C2CD2: variants seen among roughly 807,000 people sequenced by gnomAD.
The protein encoded by C2CD2 is C2 calcium dependent domain containing 2.
Under a neutral mutation model 74.3 loss-of-function variants are expected in C2CD2, and 43 were observed. The observed-to-expected ratio is 0.58, with a 90% CI of 0.45 to 0.75. The LOEUF is 0.75. Ranked by LOEUF, C2CD2 falls within the 30% of genes least tolerant of loss-of-function variation. C2CD2 has a pLI of 0.00. For synonymous variants in C2CD2, 422 were observed against 390.7 expected (o/e 1.08, Z -0.94); for missense variants, 801 against 916.3 (o/e 0.87, Z 1.63).
At chr21:41,914,933 T>C (rs534318190) in intron 5 of C2CD2, among the ~76,000 whole-genome samples, 1 of 152,158 alleles carries the variant, frequency 6.6e-6, no homozygotes, top group Non-Finnish European at 1.5e-5. Flanking sequence ...TCCTCCTGCC[T>C]GGGAGCATTT....
chr21:41,918,305 T>G (rs185558286), intron 4 of C2CD2, 78 bp from the exon 5 acceptor site: 5 of 1,451,656 alleles, frequency 3.4e-6, no homozygotes, highest in Admixed American at 2.0e-5. Flanking sequence ...TTCAGGTGAC[T>G]AAAACCATGC....
chr21:41,889,291 T>C lies in C2CD2; in HGVS notation c.1924A>G (p.Lys642Glu), dbSNP rs755509490. 1.9e-6 allele frequency: 3 copies of C among 1,614,010 alleles called. No homozygotes were observed. Among genetic ancestry groups the C allele is most frequent in the Non-Finnish European group, 2.5e-6 (3 of 1,180,026 alleles). Residue 642 changes from lysine to glutamate, a missense_variant, in exon 14 of 14, where the codon AAA becomes GAA. Transcript: ENST00000380486. ...KLFFRRRHQQ[K>E]DPGMSQSHND... is the part of the protein sequence containing the mutation. ...TGTGACTGACTCATGCCTGGGTCTT[T>C]CTGTTGATGCCGCCGGCGGAAGAAC...
intron 13 of C2CD2, chr21:41,894,495 G>A (rs170135): frequency 0.2 from 76,178 of 386,426 alleles, 8,317 homozygotes; most frequent in African/African-American, 0.33. Flanking sequence ...GCTAAGGACA[G>A]CGTCTGAGAA....
chr21:41,948,969 G>T (rs1036591478), intron 1 of C2CD2, among the ~76,000 whole-genome samples: 1 of 137,292 alleles, frequency 7.3e-6, no homozygotes, highest in Non-Finnish European at 1.5e-5. Context: ...GAAACCCTGG[G>T]CTGAAGGACT....
At chr21:41,918,447 TG>T (rs2065117733) in intron 4 of C2CD2, among the ~76,000 whole-genome samples, 1 of 152,126 alleles carries the variant, frequency 6.6e-6, no homozygotes, top group Non-Finnish European at 1.5e-5. Context: ...ACCCTCACCG[TG>T]GGAGAGAGGG....
chr21:41,940,052 C>T (rs2065342113), intron 2 of C2CD2, among the ~76,000 whole-genome samples: 2 of 152,160 alleles, frequency 1.3e-5, no homozygotes, highest in Admixed American at 6.5e-5. Flanking sequence ...AGGAAATGCT[C>T]ACTGGAGTAT....
intron 6 of C2CD2, 33 bp downstream of exon 6, chr21:41,914,565 C>G: frequency 6.2e-7 from 1 of 1,606,422 alleles, no homozygotes; most frequent in South Asian, 1.1e-5. Context: ...TGGAAGAGCC[C>G]CTCCAGGCAG....
rs1353216648 is a variant in C2CD2 at position 41,903,916 on chromosome 21, G to A, written c.1432+1808C>T. Among the ~76,000 whole-genome samples the A allele has an allele frequency of 1.3e-5, 2 of 152,190 alleles. No homozygotes were observed. Among genetic ancestry groups the A allele is most frequent in the East Asian group, 3.8e-4 (2 of 5,198 alleles). On this transcript the variant is annotated intron_variant, in intron 11 of 13. Transcript: ENST00000380486. The surrounding 1 kb of genome is among the most constrained non-coding windows in gnomAD (Gnocchi z 4.5). ...GCCAGGGGAAGAAACTGAGGAAGGG[G>A]CATCAGGGGCAGCGGCAAAAGCATC...
Position 41,892,573 on chromosome 21 carries a change from C to A in C2CD2, c.1871-3229G>T, listed in dbSNP as rs1196874023. Among the ~76,000 whole-genome samples, 1 of 152,216 alleles carries A rather than the reference C, an allele frequency of 6.6e-6. No homozygotes were observed. The highest frequency in any genetic ancestry group is 1.5e-5 in the Non-Finnish European group (1 of 68,034). The stretch of plus-strand genomic sequence containing the variant: ...AGCAGCATCCTCAGCCCCGAGCCCT[C>A]CAAACAACAGGCCTCTAAGGACAAC... On this transcript the variant is annotated intron_variant, in intron 13 of 13. Transcript: ENST00000380486. The surrounding 1 kb of genome is among the most constrained non-coding windows in gnomAD (Gnocchi z 4.6).
chr21:41,936,829 T>G (rs960766035), intron 2 of C2CD2, among the ~76,000 whole-genome samples: 2 of 147,306 alleles, frequency 1.4e-5, no homozygotes, highest in Non-Finnish European at 3.0e-5. Flanking sequence ...TTTTTTTTTT[T>G]TTTTTTTTGA....
chr21:41,953,469 G>A lies in C2CD2; in HGVS notation c.180C>T (p.Ser60=). The A allele has an allele frequency of 2.7e-6, 4 of 1,485,406 alleles. No homozygotes were observed. The highest frequency in any genetic ancestry group is 1.5e-5 in the African/African-American group (1 of 68,630). 92.0% of individuals were successfully genotyped at this position (1,485,406 alleles called of 1,614,324 possible). ...TCAGGATCCAGGAGAGCAGCGCGTC[G>A]GACCCCGGGCGCGGCCCCTCTCCAG... The part of the protein sequence containing the change: ...VEPGEGPRPG[S]DALLSWILTL... The change falls in exon 1 of 14, where the codon TCC becomes TCT. Residue 60 remains serine (S), a synonymous_variant. Coordinates refer to ENST00000380486, the MANE Select transcript of C2CD2 (RefSeq NM_015500.2).
chr21:41,952,782 C>T (rs918692799), intron 1 of C2CD2, among the ~76,000 whole-genome samples: 3 of 152,344 alleles, frequency 2.0e-5, no homozygotes, highest in Non-Finnish European at 2.9e-5. Context: ...TTGGTTTCCT[C>T]ATCTGTAAAA....
In C2CD2 at chr21:41,922,083, C is replaced by A. The variant is rs763726333; in HGVS notation, c.381G>T (p.Val127=). Reference sequence around the variant, plus strand: ...CCTGGCCCACCACGTGACAGACCACCACCTGGAGGAGGCACAGGTAAGGGA... The same window carrying A: ...CCTGGCCCACCACGTGACAGACCACAACCTGGAGGAGGCACAGGTAAGGGA... ...SSVLRSAEEK[V]VVCHVVGQAI... Residue 127 remains valine, a splice_region_variant and synonymous_variant, in exon 3 of 14, where the codon GTG becomes GTT. Coordinates refer to ENST00000380486, the MANE Select transcript of C2CD2 (RefSeq NM_015500.2). The A allele has an allele frequency of 6.2e-7, 1 of 1,602,046 alleles. No homozygotes were observed. Among genetic ancestry groups the A allele is most frequent in the South Asian group, 1.1e-5 (1 of 90,832 alleles).
chr21:41,953,425 C>A lies in C2CD2; in HGVS notation c.224G>T (p.Ser75Ile). 6.9e-7 allele frequency: 1 copy of A among 1,449,206 alleles called. No homozygotes were observed. Among genetic ancestry groups the A allele is most frequent in the South Asian group, 1.5e-5 (1 of 68,560 alleles). 89.8% of individuals were successfully genotyped at this position (1,449,206 alleles called of 1,614,324 possible). Residue 75 changes from serine to isoleucine, a missense_variant, in exon 1 of 14, where the codon AGC becomes ATC. Physicochemically the swap from Ser to Ile is moderately radical, Grantham distance 142 (BLOSUM62 -2). Transcript: ENST00000380486. ...GGTCACCCAGGCCGCCTGCCACTGG[C>A]TCCTCCAGCTGCCCAGCGTCAGGAT... Reference protein sequence around the residue: ...SWILTLGSWRSQWQAAWVTAL... With the variant: ...SWILTLGSWRIQWQAAWVTAL...
chr21:41,927,573 C>A (rs752776720), intron 2 of C2CD2, among the ~76,000 whole-genome samples: 1 of 152,048 alleles, frequency 6.6e-6, no homozygotes, highest in Admixed American at 6.6e-5. Context: ...TGGATTCAAG[C>A]GATTCTCCTG....
intron 1 of C2CD2, 66 bp downstream of exon 1, chr21:41,953,304 A>C: frequency 8.8e-7 from 1 of 1,138,414 alleles, no homozygotes; most frequent in Non-Finnish European, 1.2e-6. Context: ...CCTCCAGGAA[A>C]GACCTCGGCC....
chr21:41,896,460 G>A (rs946779362), intron 13 of C2CD2, among the ~76,000 whole-genome samples: 2 of 152,062 alleles, frequency 1.3e-5, no homozygotes, highest in Non-Finnish European at 2.9e-5. Context: ...CTTACTTGTG[G>A]TAACATACCC....
chr21:41,944,948 A>G (rs1369895467), intron 1 of C2CD2, among the ~76,000 whole-genome samples: 2 of 152,262 alleles, frequency 1.3e-5, no homozygotes, highest in Non-Finnish European at 2.9e-5. Flanking sequence ...CGAATGAACA[A>G]TATAACCACA....
chr21:41,890,441 T>C (rs1253582423), intron 13 of C2CD2, among the ~76,000 whole-genome samples: 1 of 152,234 alleles, frequency 6.6e-6, no homozygotes, highest in Non-Finnish European at 1.5e-5. Context: ...TACAAGCTAA[T>C]GTAGTGGGTG....
Sources: gnomAD v4.1 joint callset for allele counts (sites outside exome capture counted in the v4.1 genomes callset) on GRCh38, gnomAD v4.1.1 for gene constraint, Gnocchi (gnomAD v3.1) non-coding constraint, MANE v1.5 for transcripts, NCBI Gene and HGNC (gene_info 2026-07-23, HGNC 2026-07-21) for gene names.